The following KCNJ16 variants were observed in gnomAD, a reference collection of about 807,000 sequenced individuals.
KCNJ16 encodes the protein potassium inwardly rectifying channel subfamily J member 16.
Under a neutral mutation model 18.5 loss-of-function variants are expected in KCNJ16, and 15 were observed. The observed-to-expected ratio is 0.81, with a 90% CI of 0.54 to 1.25. The LOEUF is 1.25. Among genes scored for constraint, KCNJ16 ranks in the 50% most tolerant of loss-of-function variants. The pLI, the probability that KCNJ16 is intolerant of heterozygous loss-of-function variation, is 0.00. For missense variants in KCNJ16, 523 were observed against 525.7 expected, an observed-to-expected ratio of 0.99 and a Z score of 0.05; for synonymous variants, 174 against 186.5, an observed-to-expected ratio of 0.93 and a Z score of 0.55.
chr17:70,097,584 C>T (rs1025787599), intron 1 of KCNJ16, among the ~76,000 whole-genome samples: 7 of 152,164 alleles, frequency 4.6e-5, no homozygotes, highest in South Asian at 2.1e-4. Context: ...CATCGCAGCC[C>T]CATATAGCAT....
At chr17:70,090,101 T>C (rs1400487178) in intron 1 of KCNJ16, among the ~76,000 whole-genome samples, 1 of 152,244 alleles carries the variant, frequency 6.6e-6, no homozygotes, top group Admixed American at 6.5e-5. Flanking sequence ...CCTGCCAAAG[T>C]AATTGTGCTG....
intron 2 of KCNJ16, among the ~76,000 whole-genome samples, chr17:70,123,792 T>G (rs2073745607): frequency 6.6e-6 from 1 of 152,176 alleles, no homozygotes; most frequent in African/African-American, 2.4e-5. Flanking sequence ...TAGACCACAT[T>G]CTGGAGCTTG....
At chr17:70,089,556 A>T (rs919019085) in intron 1 of KCNJ16, among the ~76,000 whole-genome samples, 1 of 152,194 alleles carries the variant, frequency 6.6e-6, no homozygotes, top group Non-Finnish European at 1.5e-5. Context: ...AGGCAGTGAA[A>T]AAAACATAAT....
chr17:70,123,478 T>C (rs142509424), intron 2 of KCNJ16, among the ~76,000 whole-genome samples: 1 of 152,308 alleles, frequency 6.6e-6, no homozygotes, highest in African/African-American at 2.4e-5. Flanking sequence ...TCTCCCAGAC[T>C]AGATAAGGCC....
chr17:70,097,895 T>G (rs538391868), intron 1 of KCNJ16, among the ~76,000 whole-genome samples: 1 of 152,340 alleles, frequency 6.6e-6, no homozygotes, highest in East Asian at 1.9e-4. Context: ...TCCTAGGTTA[T>G]GACCTCCTCC....
At chr17:70,119,692 C>A (rs2073553968) in intron 2 of KCNJ16, among the ~76,000 whole-genome samples, 1 of 152,192 alleles carries the variant, frequency 6.6e-6, no homozygotes, top group Non-Finnish European at 1.5e-5. Context: ...CAAGTCTGCA[C>A]AAAGCAACAG....
chr17:70,129,165 C>T (rs2073971796), intron 2 of KCNJ16, among the ~76,000 whole-genome samples: 1 of 152,150 alleles, frequency 6.6e-6, no homozygotes, highest in African/African-American at 2.4e-5. Flanking sequence ...TCAGTTTCTA[C>T]GGAGCAACAT....
At chr17:70,122,829 C>T (rs2073698980) in intron 2 of KCNJ16, among the ~76,000 whole-genome samples, 1 of 152,132 alleles carries the variant, frequency 6.6e-6, no homozygotes, top group African/African-American at 2.4e-5. Flanking sequence ...CAAGATTCAG[C>T]CTAGTTCGTG....
chr17:70,093,751 T>A (rs1320983727), intron 1 of KCNJ16, among the ~76,000 whole-genome samples: 1 of 152,152 alleles, frequency 6.6e-6, no homozygotes, highest in African/African-American at 2.4e-5. Flanking sequence ...TAGTTTCTTA[T>A]GGCCATTATT....
chr17:70,131,462 C>A (rs1035616503), intron 3 of KCNJ16: 5 of 998,502 alleles, frequency 5.0e-6, no homozygotes, highest in Non-Finnish European at 6.0e-6. Flanking sequence ...GAAGAGAGAG[C>A]AAGCACCAGG....
intron 2 of KCNJ16, among the ~76,000 whole-genome samples, chr17:70,129,492 A>G (rs2073982311): frequency 6.6e-6 from 1 of 152,220 alleles, no homozygotes; most frequent in African/African-American, 2.4e-5. Context: ...GTCAGATTGG[A>G]TATGGTTTAT....
intron 1 of KCNJ16, among the ~76,000 whole-genome samples, chr17:70,088,044 A>T (rs1170329747): frequency 6.9e-6 from 1 of 145,948 alleles, no homozygotes; most frequent in Non-Finnish European, 1.5e-5. Flanking sequence ...AAAAAAAAGT[A>T]AAAGAAAAAG....
intron 2 of KCNJ16, among the ~76,000 whole-genome samples, chr17:70,114,110 G>C (rs776071776): frequency 6.6e-6 from 1 of 152,104 alleles, no homozygotes; most frequent in Non-Finnish European, 1.5e-5. Flanking sequence ...AATGGGAATT[G>C]AGACATCAGC....
chr17:70,130,881 G>A lies in KCNJ16; in HGVS notation c.-188G>A, dbSNP rs2074031580. The stretch of plus-strand genomic sequence containing the variant: ...TTATTTTTGTTTGTTTTGCACAGGA[G>A]TAACTCAAGATGATTTTGATGTTGC... On this transcript the variant is annotated splice_region_variant and 5_prime_UTR_variant, in exon 3 of 4. Coordinates refer to ENST00000392671, the MANE Select transcript of KCNJ16 (RefSeq NM_170741.4). The A allele has an allele frequency of 6.5e-6, 8 of 1,234,604 alleles. No homozygotes were observed. The highest frequency in any genetic ancestry group is 9.2e-6 in the Non-Finnish European group (8 of 871,928). 76.5% of individuals were successfully genotyped at this position (1,234,604 alleles called of 1,614,324 possible).
intron 1 of KCNJ16, among the ~76,000 whole-genome samples, chr17:70,093,178 G>C (rs2072202723): frequency 6.6e-6 from 1 of 152,200 alleles, no homozygotes; most frequent in Non-Finnish European, 1.5e-5. Context: ...ATGCTCTATA[G>C]TATTATTTGT....
chr17:70,123,199 C>G (rs1433167860), intron 2 of KCNJ16, among the ~76,000 whole-genome samples: 7 of 152,082 alleles, frequency 4.6e-5, no homozygotes, highest in African/African-American at 7.2e-5. Context: ...CTCAATTCTC[C>G]CTCATTTCAA....
At chr17:70,110,874 T>C (rs1405415509) in intron 2 of KCNJ16, among the ~76,000 whole-genome samples, 5 of 152,172 alleles carry the variant, frequency 3.3e-5, no homozygotes, top group African/African-American at 1.2e-4. Flanking sequence ...ACCTCTTTCC[T>C]TGCCGATGTT....
In KCNJ16 at chr17:70,108,113, A is replaced by G. The variant is rs147796238; in HGVS notation, c.-191+7347A>G. Reference sequence around the variant, plus strand: ...GCAGGGCCCCTGTCTCTACTGCATGAATACAGAGTATTCGTAACTGCATTC... The same window carrying G: ...GCAGGGCCCCTGTCTCTACTGCATGGATACAGAGTATTCGTAACTGCATTC... On this transcript the variant is annotated intron_variant, in intron 2 of 3. Coordinates refer to ENST00000392671, the MANE Select transcript of KCNJ16 (RefSeq NM_170741.4). 2.9e-4 allele frequency among the ~76,000 whole-genome samples: 44 copies of G among 152,278 alleles called. No homozygotes were observed. The East Asian group carries it at 8.1e-3, about 28-fold the overall frequency.
Position 70,132,078 on chromosome 17 carries a change from A to G in KCNJ16, c.-10A>G. The G allele has an allele frequency of 6.2e-7, 1 of 1,614,150 alleles. No individual in the cohort carries two copies. The highest frequency in any genetic ancestry group is 8.5e-7 in the Non-Finnish European group (1 of 1,180,032). On this transcript the variant is annotated 5_prime_UTR_variant, in exon 4 of 4. Transcript: ENST00000392671. ...AAAACTCACCTGGATCCCTAAGGGC[A>G]CAGCAAAGAATGAGCTATTACGGCA...
Sources: allele counts gnomAD v4.1 joint callset (sites outside exome capture counted in the v4.1 genomes callset), GRCh38; gene constraint gnomAD v4.1.1; transcripts MANE v1.5; gene names NCBI Gene and HGNC (gene_info 2026-07-23, HGNC 2026-07-21).